Variants in SNX29 observed in about 807,000 individuals in gnomAD.
SNX29 encodes the protein sorting nexin 29.
SNX29 carries 78 observed loss-of-function variants against 102.1 expected under a neutral mutation model. The observed-to-expected ratio is 0.76, with a 90% CI of 0.64 to 0.92. The LOEUF is 0.92. SNX29 is among the 40% of genes least tolerant of loss of function. The pLI is 0.00. For synonymous variants in SNX29, 580 were observed against 414.5 expected (o/e 1.40, Z -4.85); for missense variants, 1,280 against 1,061.7 (o/e 1.21, Z -2.86).
chr16:12,562,180 G>C (rs781082523), intron 20 of SNX29, among the ~76,000 whole-genome samples: 2 of 152,166 alleles, frequency 1.3e-5, no homozygotes, highest in Non-Finnish European at 2.9e-5. Flanking sequence ...GGTCTGACCT[G>C]AGCATAGGGT....
At chr16:12,219,986 A>T (rs1455219002) in intron 14 of SNX29, among the ~76,000 whole-genome samples, 1 of 152,106 alleles carries the variant, frequency 6.6e-6, no homozygotes, top group Non-Finnish European at 1.5e-5. Context: ...TCCCGGCCTC[A>T]ACTCTCTCTG....
intron 18 of SNX29, among the ~76,000 whole-genome samples, chr16:12,433,978 C>T (rs1374902618): frequency 6.6e-6 from 1 of 152,104 alleles, no homozygotes; most frequent in Non-Finnish European, 1.5e-5. Context: ...AGTATCTGTC[C>T]CCTGCCCCCT....
At chr16:12,423,646 C>G (rs1280908350) in intron 18 of SNX29, among the ~76,000 whole-genome samples, 2 of 152,194 alleles carry the variant, frequency 1.3e-5, no homozygotes, top group Non-Finnish European at 2.9e-5. Context: ...TCTTGGCTCA[C>G]TGCAAACTCT....
chr16:12,156,968 C>T (rs923429711), intron 13 of SNX29, among the ~76,000 whole-genome samples: 1 of 152,186 alleles, frequency 6.6e-6, no homozygotes, highest in African/African-American at 2.4e-5. Flanking sequence ...CGTGTTTCTC[C>T]TGGGAGCAGA....
intron 16 of SNX29, among the ~76,000 whole-genome samples, chr16:12,390,190 G>A (rs370594281): frequency 6.7e-6 from 1 of 149,418 alleles, no homozygotes. Flanking sequence ...GTATGTATAT[G>A]TATATGTGTG....
chr16:12,146,486 G>A (rs1431388204), intron 13 of SNX29, among the ~76,000 whole-genome samples: 1 of 152,036 alleles, frequency 6.6e-6, no homozygotes, highest in Non-Finnish European at 1.5e-5. Context: ...GGCTGGTCTC[G>A]AACTCTTGAC....
chr16:12,547,096 T>A (rs2077653310), intron 20 of SNX29, among the ~76,000 whole-genome samples: 3 of 152,282 alleles, frequency 2.0e-5, no homozygotes, highest in Middle Eastern at 3.4e-3. Context: ...GAGGTGGCGA[T>A]TTCCAGTGAA....
chr16:12,357,541 T>C (rs911452558), intron 16 of SNX29, among the ~76,000 whole-genome samples: 1 of 152,210 alleles, frequency 6.6e-6, no homozygotes, highest in African/African-American at 2.4e-5. Context: ...GGGTAAAATA[T>C]ACCTAACATA....
At chr16:12,210,395 A>G (rs986739376) in intron 14 of SNX29, among the ~76,000 whole-genome samples, 3 of 149,000 alleles carry the variant, frequency 2.0e-5, no homozygotes, top group Non-Finnish European at 4.4e-5. Context: ...CTGGACGATC[A>G]TAGTTCACTG....
At chr16:12,023,743 C>A (rs368538478) in intron 3 of SNX29, among the ~76,000 whole-genome samples, 1 of 152,230 alleles carries the variant, frequency 6.6e-6, no homozygotes, top group Admixed American at 6.5e-5. Context: ...CTTAGTGTGA[C>A]CTCGTGTATG....
chr16:12,242,734 G>A (rs888437711), intron 14 of SNX29, among the ~76,000 whole-genome samples: 9 of 151,226 alleles, frequency 6.0e-5, no homozygotes, highest in African/African-American at 2.2e-4. Flanking sequence ...GCTCACTGCA[G>A]CCTCAACCTA....
intron 12 of SNX29, among the ~76,000 whole-genome samples, chr16:12,127,576 C>T (rs550438035): frequency 1.3e-5 from 2 of 152,070 alleles, no homozygotes; most frequent in Non-Finnish European, 2.9e-5. Flanking sequence ...CGCATGCCAC[C>T]ATGCCCGGCT....
At chr16:12,561,179 C>G in intron 20 of SNX29, 2 of 230,374 alleles carry the variant, frequency 8.7e-6, no homozygotes, top group East Asian at 6.1e-5. Context: ...TTCAGCCTGG[C>G]ATGCTCTGAT....
rs535948011 is a variant in SNX29 at position 12,194,603 on chromosome 16, T to G, written c.1596-4998T>G. Among the ~76,000 whole-genome samples the G allele has an allele frequency of 3.4e-5, 5 of 149,010 alleles. No individual in the cohort carries two copies. In the South Asian group the frequency reaches 1.1e-3, roughly 32 times the overall value. ...TTAATCATTATGTGTGATGTTACTA[T>G]AGGATTTGGGGGTGGGTAGTTTTTT... On this transcript the variant is annotated intron_variant, in intron 13 of 20. Coordinates refer to ENST00000566228, the MANE Select transcript of SNX29 (RefSeq NM_032167.5).
intron 20 of SNX29, among the ~76,000 whole-genome samples, chr16:12,548,084 G>C (rs2077723586): frequency 2.0e-5 from 3 of 152,208 alleles, no homozygotes; most frequent in Non-Finnish European, 4.4e-5. Context: ...GACATAAAAA[G>C]ATGTTGCTAA....
intron 4 of SNX29, among the ~76,000 whole-genome samples, chr16:12,039,078 T>C (rs565414364): frequency 6.6e-6 from 1 of 152,246 alleles, no homozygotes; most frequent in African/African-American, 2.4e-5. Flanking sequence ...AAGTTTATTC[T>C]AAATGATCCC....
intron 14 of SNX29, among the ~76,000 whole-genome samples, chr16:12,227,626 G>A (rs750843662): frequency 1.2e-4 from 19 of 152,104 alleles, no homozygotes; most frequent in South Asian, 2.1e-4. Context: ...GAGGCCGGGC[G>A]CGGTGGCTCA....
At position 12,572,094 on chromosome 16, in the gene SNX29, T is replaced by C; in HGVS notation, c.*3465T>C. On this transcript the variant is annotated 3_prime_UTR_variant, in exon 21 of 21. Coordinates refer to ENST00000566228, the MANE Select transcript of SNX29 (RefSeq NM_032167.5). ...GATCTAGGAAGAGGAAGGGGAGGGA[T>C]GTGGACTGGGTCTGATCACAGCCCT... 1.9e-5 allele frequency: 19 copies of C among 1,023,372 alleles called. No individual in the cohort carries two copies. The highest frequency in any genetic ancestry group is 2.3e-5 in the Non-Finnish European group (19 of 842,018). 63.4% of individuals were successfully genotyped at this position (1,023,372 alleles called of 1,614,324 possible). A position where few individuals can be genotyped will look rare whatever the true frequency, so the allele number is the denominator to read the frequency against.
chr16:12,177,701 A>C (rs1282207884), intron 13 of SNX29, among the ~76,000 whole-genome samples: 1 of 152,250 alleles, frequency 6.6e-6, no homozygotes, highest in Non-Finnish European at 1.5e-5. Context: ...TTAACAGTAT[A>C]CAATTATTTT....
Sources: gnomAD v4.1 joint callset for allele counts (sites outside exome capture counted in the v4.1 genomes callset) on GRCh38, gnomAD v4.1.1 for gene constraint, MANE v1.5 for transcripts, NCBI Gene and HGNC (gene_info 2026-07-23, HGNC 2026-07-21) for gene names.